The following RNF138 variants were observed in gnomAD, a reference collection of about 807,000 sequenced individuals.
RNF138 encodes the protein E3 ubiquitin-protein ligase RNF138.
In RNF138, 12 loss-of-function variants were observed where a neutral mutation model predicts 31.0. That is an observed-to-expected ratio of 0.39 (90% CI 0.25 to 0.63). The LOEUF is 0.63. RNF138 is among the 20% of genes least tolerant of loss of function. The pLI is 0.52. For missense variants in RNF138, 192 were observed against 300.1 expected, an observed-to-expected ratio of 0.64 and a Z score of 2.66; for synonymous variants, 105 against 99.5, an observed-to-expected ratio of 1.06 and a Z score of -0.33.
intron 2 of RNF138, among the ~76,000 whole-genome samples, chr18:32,102,270 C>T (rs1431544127): frequency 3.0e-5 from 4 of 131,390 alleles, no homozygotes; most frequent in Non-Finnish European, 6.1e-5. Flanking sequence ...GGCGCGATGT[C>T]GGCTCACTGC....
intron 2 of RNF138, among the ~76,000 whole-genome samples, chr18:32,102,640 CT>C (rs145533936): frequency 2.7e-5 from 4 of 147,134 alleles, no homozygotes; most frequent in Admixed American, 1.4e-4. Flanking sequence ...TTGGGATTTT[CT>C]TTTTTTTTTG....
intron 1 of RNF138, 119 bp from the exon 2 acceptor site, chr18:32,092,579 TGC>T: frequency 3.5e-6 from 2 of 576,812 alleles, no homozygotes; most frequent in Non-Finnish European, 6.2e-6. Context: ...GGTCGCCTCT[TGC>T]CCGGCGCGTG....
intron 2 of RNF138, among the ~76,000 whole-genome samples, chr18:32,108,768 A>G (rs950002923): frequency 3.9e-5 from 6 of 152,134 alleles, no homozygotes; most frequent in Non-Finnish European, 8.8e-5. Context: ...CCCTGGACTC[A>G]AGCAATCCTC....
Position 32,129,445 on chromosome 18 carries a change from G to T in RNF138, c.*258G>T. The T allele has an allele frequency of 2.1e-5, 7 of 333,896 alleles. No individual in the cohort carries two copies. Among genetic ancestry groups the T allele is most frequent in the East Asian group, 4.8e-5 (1 of 20,670 alleles). 20.7% of individuals were successfully genotyped at this position (333,896 alleles called of 1,614,324 possible). A position where few individuals can be genotyped will look rare whatever the true frequency, so the allele number is the denominator to read the frequency against. ...GTAACGGTGAAAGAGAATCCCTGTT[G>T]TACTTTATCTTTTTGTAATATTATT... On this transcript the variant is annotated 3_prime_UTR_variant, in exon 8 of 8. Coordinates refer to ENST00000261593, the MANE Select transcript of RNF138 (RefSeq NM_016271.5).
chr18:32,105,618 T>C (rs932389911), intron 2 of RNF138, among the ~76,000 whole-genome samples: 2 of 152,206 alleles, frequency 1.3e-5, no homozygotes, highest in East Asian at 1.9e-4. Context: ...TTGAAAACTT[T>C]AATGAGCAAA....
intron 2 of RNF138, among the ~76,000 whole-genome samples, chr18:32,107,103 C>T (rs1324474081): frequency 7.0e-6 from 1 of 143,416 alleles, no homozygotes. Flanking sequence ...GTTAAATTCA[C>T]TTTCCTTTTT....
At chr18:32,100,836 C>T (rs2039924634) in intron 2 of RNF138, among the ~76,000 whole-genome samples, 1 of 152,182 alleles carries the variant, frequency 6.6e-6, no homozygotes, top group African/African-American at 2.4e-5. Flanking sequence ...AATGCCTGAG[C>T]TCAAGCGATC....
intron 2 of RNF138, among the ~76,000 whole-genome samples, chr18:32,101,293 A>G (rs2039935407): frequency 6.7e-6 from 1 of 149,438 alleles, no homozygotes; most frequent in South Asian, 2.1e-4. Flanking sequence ...GTCTTGGCTC[A>G]CTGTAACCTC....
At chr18:32,127,937 G>A (rs925520372) in intron 7 of RNF138, among the ~76,000 whole-genome samples, 2 of 152,074 alleles carry the variant, frequency 1.3e-5, no homozygotes, top group African/African-American at 4.8e-5. Context: ...AAAGTTAGCC[G>A]GGTGTGTTGG....
chr18:32,099,186 A>G (rs1032532400), intron 2 of RNF138, among the ~76,000 whole-genome samples: 51 of 152,222 alleles, frequency 3.4e-4, no homozygotes, highest in African/African-American at 1.2e-3. Context: ...TTCTGAAGAT[A>G]CGGGCCTTTT....
chr18:32,098,733 A>G (rs2039860871), intron 2 of RNF138, among the ~76,000 whole-genome samples: 1 of 151,766 alleles, frequency 6.6e-6, no homozygotes, highest in Non-Finnish European at 1.5e-5. Context: ...GGCGCCTGTA[A>G]TCCCAGCTGT....
intron 4 of RNF138, among the ~76,000 whole-genome samples, chr18:32,116,309 TTTC>T (rs980643619): frequency 1.1e-4 from 17 of 152,248 alleles, no homozygotes; most frequent in South Asian, 8.3e-4. Flanking sequence ...AGCTCTAGAA[TTTC>T]TTCTTCTTGG....
At chr18:32,111,574 T>A (rs2040131107) in intron 2 of RNF138, among the ~76,000 whole-genome samples, 180 bp from the exon 3 acceptor site, 1 of 152,218 alleles carries the variant, frequency 6.6e-6, no homozygotes, top group Non-Finnish European at 1.5e-5. Flanking sequence ...CTAGTCCAGT[T>A]ATCAGTCTTA....
chr18:32,101,522 C>T (rs61198143), intron 2 of RNF138, among the ~76,000 whole-genome samples: 2 of 152,110 alleles, frequency 1.3e-5, no homozygotes. Flanking sequence ...TTTTTTAAGC[C>T]TTAGTTTCCT....
chr18:32,113,621 TTAAAAAAA>T (rs2040168676), intron 3 of RNF138, 116 bp from the exon 4 acceptor site: 1 of 512,496 alleles, frequency 2.0e-6, no homozygotes, highest in Non-Finnish European at 3.4e-6. Context: ...ATCATTTACT[TTAAAAAAA>T]TACAACTCCT....
At chr18:32,110,462 T>C (rs2040108110) in intron 2 of RNF138, among the ~76,000 whole-genome samples, 1 of 152,240 alleles carries the variant, frequency 6.6e-6, no homozygotes, top group South Asian at 2.1e-4. Flanking sequence ...TAGATACTTT[T>C]ATTATTTCGT....
chr18:32,113,833 A>C lies in RNF138; in HGVS notation c.365A>C (p.Gln122Pro). Residue 122 changes from glutamine (Q) to proline (P), a missense_variant, in exon 4 of 8, where the codon CAG (glutamine) becomes CCG (proline). Transcript: ENST00000261593. Reference sequence around the variant, plus strand: ...GTTTCTTCTATCATTCCAAACTTTCAGATCTCTCAAGATTCAGTAGGGAAC... The same window carrying C: ...GTTTCTTCTATCATTCCAAACTTTCCGATCTCTCAAGATTCAGTAGGGAAC... ...YGVSSIIPNF[Q>P]ISQDSVGNSN... 1 of 1,528,552 alleles carries C rather than the reference A, an allele frequency of 6.5e-7. No homozygotes were observed. Among genetic ancestry groups the C allele is most frequent in the Non-Finnish European group, 8.9e-7 (1 of 1,125,574 alleles). The allele number at this position is 1,528,552 out of a possible 1,614,324, so 94.7% of individuals were successfully genotyped here. A position where few individuals can be genotyped will look rare whatever the true frequency, so the allele number is the denominator to read the frequency against.
intron 4 of RNF138, among the ~76,000 whole-genome samples, chr18:32,118,022 C>T (rs774711716): frequency 1.3e-4 from 20 of 152,028 alleles, no homozygotes; most frequent in Non-Finnish European, 2.9e-4. Context: ...ACTCTGTAAA[C>T]GTTAGTAACT....
At chr18:32,127,676 T>G (rs1426435687) in intron 7 of RNF138, among the ~76,000 whole-genome samples, 1 of 152,270 alleles carries the variant, frequency 6.6e-6, no homozygotes, top group East Asian at 1.9e-4. Context: ...TTCTAGATTA[T>G]TATTAAATTC....
Sources: allele counts gnomAD v4.1 joint callset (sites outside exome capture counted in the v4.1 genomes callset), GRCh38; gene constraint gnomAD v4.1.1; transcripts MANE v1.5; gene names NCBI Gene and HGNC (gene_info 2026-07-23, HGNC 2026-07-21).